The following RADIL variants were observed in gnomAD, a reference collection of about 807,000 sequenced individuals.
RADIL encodes ras-associating and dilute domain-containing protein.
Under a neutral mutation model 97.6 loss-of-function variants are expected in RADIL, and 99 were observed. The ratio of observed to expected loss-of-function variants is 1.01; its 90% CI spans 0.86 to 1.20. The LOEUF is 1.20. RADIL is among the 50% of genes most tolerant of loss of function. RADIL has a pLI of 0.00. For synonymous variants in RADIL, 803 were observed against 691.8 expected (o/e 1.16, Z -2.52); for missense variants, 1,765 against 1,498.9 (o/e 1.18, Z -2.93).
intron 2 of RADIL, chr7:4,861,269 T>G: frequency 6.2e-7 from 1 of 1,614,140 alleles, no homozygotes; most frequent in Non-Finnish European, 8.5e-7. Context: ...GTCCAAATCT[T>G]CTGGAATAGT....
chr7:4,847,110 C>G (rs1029221512), intron 2 of RADIL, among the ~76,000 whole-genome samples: 1 of 151,974 alleles, frequency 6.6e-6, no homozygotes, highest in African/African-American at 2.4e-5. Flanking sequence ...CACTTGAGGT[C>G]AGGAGTTCAA....
chr7:4,835,332 G>T lies in RADIL; in HGVS notation c.784-93C>A. On this transcript the variant is annotated intron_variant, in intron 3 of 14. Transcript: ENST00000399583. This position sits in a 1 kb window ranked among gnomAD's most constrained non-coding sequence, Gnocchi z 5.8. The stretch of plus-strand genomic sequence containing the variant: ...AGTCACTGGTTGCTGAAGCAGCGTG[G>T]CTGGGATGCTGTCGCCACGGGCTCT... The T allele has an allele frequency of 6.7e-7, 1 of 1,488,074 alleles. No individual in the cohort carries two copies. The highest frequency in any genetic ancestry group is 9.0e-7 in the Non-Finnish European group (1 of 1,110,436). 92.2% of individuals were successfully genotyped at this position (1,488,074 alleles called of 1,614,324 possible).
At position 4,840,851 on chromosome 7, in the gene RADIL, C is replaced by T. The variant is rs752990219; in HGVS notation, c.536-4246G>A. On this transcript the variant is annotated intron_variant, in intron 2 of 14. Coordinates refer to ENST00000399583, the MANE Select transcript of RADIL (RefSeq NM_018059.5). This position sits in a 1 kb window ranked among gnomAD's most constrained non-coding sequence, Gnocchi z 5.6. Reference sequence around the variant, plus strand: ...GCGTGGAGGTGGGCGCCTGTAGTCCCGGCTACTCGAGAGGCTGAGGCAGGA... The same window carrying T: ...GCGTGGAGGTGGGCGCCTGTAGTCCTGGCTACTCGAGAGGCTGAGGCAGGA... Among the ~76,000 whole-genome samples the T allele has an allele frequency of 7.9e-5, 12 of 152,108 alleles. No homozygotes were observed. The highest frequency in any genetic ancestry group is 2.1e-4 in the South Asian group (1 of 4,820).
intron 2 of RADIL, chr7:4,861,223 A>G (rs779291182): frequency 1.2e-5 from 20 of 1,614,020 alleles, no homozygotes; most frequent in South Asian, 2.2e-5. Flanking sequence ...TTATGCATCT[A>G]ATGTCTAAAT....
At chr7:4,882,669 T>A (rs1169573999) in intron 1 of RADIL, among the ~76,000 whole-genome samples, 2 of 152,154 alleles carry the variant, frequency 1.3e-5, no homozygotes, top group African/African-American at 4.8e-5. Flanking sequence ...CCTCCTTCCA[T>A]GAATCCTATC....
At chr7:4,865,743 CT>C (rs1784117596) in intron 2 of RADIL, 1 of 1,066,370 alleles carries the variant, frequency 9.4e-7, no homozygotes, top group East Asian at 2.4e-5. Flanking sequence ...CAAGAGTGAA[CT>C]TCAGAACCTG....
At chr7:4,810,311 G>A (rs1031342894) in intron 9 of RADIL, among the ~76,000 whole-genome samples, 9 of 152,070 alleles carry the variant, frequency 5.9e-5, no homozygotes, top group African/African-American at 1.9e-4. Flanking sequence ...ACATCACCAT[G>A]CCTGGCTAAT....
rs1359098685 is a variant in RADIL, at chr7:4,835,078, C to T, written c.945G>A (p.Leu315=). Residue 315 remains leucine (L), a synonymous_variant, in exon 4 of 15, where the codon CTG becomes CTA. Transcript: ENST00000399583. The surrounding 1 kb of genome is among the most constrained non-coding windows in gnomAD (Gnocchi z 5.8). Reference sequence around the variant, plus strand: ...GCGCCCCGGGGATGGGCTCCAGGACCAGCCTCCCCGCGGCCTGGCCGCTGT... The same window carrying T: ...GCGCCCCGGGGATGGGCTCCAGGACTAGCCTCCCCGCGGCCTGGCCGCTGT... The part of the protein sequence containing the change: ...LPDSGQAAGR[L]VLEPIPGAHI... The T allele has an allele frequency of 6.2e-7, 1 of 1,607,472 alleles. No individual in the cohort carries two copies. The highest frequency in any genetic ancestry group is 1.3e-5 in the African/African-American group (1 of 74,826).
intron 9 of RADIL, among the ~76,000 whole-genome samples, chr7:4,810,815 A>G (rs886074867): frequency 1.3e-5 from 2 of 152,080 alleles, no homozygotes; most frequent in Non-Finnish European, 2.9e-5. Flanking sequence ...CTTCCTTTCA[A>G]CCATTCTCAT....
Position 4,803,582 on chromosome 7 carries a change from C to CCAGGG in RADIL, c.2462_2463insCCCTG (p.Arg821SerfsTer53). 1.3e-6 allele frequency: 2 copies of CCAGGG among 1,535,042 alleles called. No homozygotes were observed. Among genetic ancestry groups the CCAGGG allele is most frequent in the Middle Eastern group, 2.2e-4 (1 of 4,490 alleles). ...CTGGCTGGGAGGCCCCACTGCCAGGCCTGCCAGGGCTGCCGGGGCTGGCTC... is the reference window on the plus strand; with the variant it reads ...CTGGCTGGGAGGCCCCACTGCCAGGCCAGGGCTGCCAGGGCTGCCGGGGCTGGCTC... On this transcript the variant is annotated frameshift_variant, in exon 11 of 15. Coordinates refer to ENST00000399583, the MANE Select transcript of RADIL (RefSeq NM_018059.5). LOFTEE classifies it high-confidence loss of function.
chr7:4,817,337 G>A lies in RADIL; in HGVS notation c.1630C>T (p.Leu544=). The part of the protein sequence containing the change: ...QLDITGSKES[L]FSCTLTASEE... The stretch of plus-strand genomic sequence containing the variant: ...CTGGCCGTCAGCGTGCAGGAGAACA[G>A]CGATTCCTTCGAGCCTGCCGGGAGA... Residue 544 remains leucine (L), a synonymous_variant, in exon 7 of 15, where the codon CTG becomes TTG. Coordinates refer to ENST00000399583, the MANE Select transcript of RADIL (RefSeq NM_018059.5). The surrounding 1 kb of genome is among the most constrained non-coding windows in gnomAD (Gnocchi z 8.3). 1 of 1,612,042 alleles carries A rather than the reference G, an allele frequency of 6.2e-7. No homozygotes were observed. Among genetic ancestry groups the A allele is most frequent in the Non-Finnish European group, 8.5e-7 (1 of 1,179,570 alleles).
Position 4,835,150 on chromosome 7 carries a change from G to A in RADIL, c.873C>T (p.Pro291=), listed in dbSNP as rs374819152. The change falls in exon 4 of 15, where the codon CCC becomes CCT. Residue 291 remains proline (P), a synonymous_variant. Coordinates refer to ENST00000399583, the MANE Select transcript of RADIL (RefSeq NM_018059.5). This position sits in a 1 kb window ranked among gnomAD's most constrained non-coding sequence, Gnocchi z 5.8. ...SSKPSISLSA[P]DILPLHCTIR... ...TGGTGCAGTGTAGAGGCAGGATGTCGGGGGCTGAGAGGCTGATGCTGGGCT... is the reference window on the plus strand; with the variant it reads ...TGGTGCAGTGTAGAGGCAGGATGTCAGGGGCTGAGAGGCTGATGCTGGGCT... 3.7e-5 allele frequency: 59 copies of A among 1,610,544 alleles called. No homozygotes were observed. The highest frequency in any genetic ancestry group is 4.7e-5 in the Non-Finnish European group (55 of 1,179,052).
At chr7:4,859,983 T>C (rs1783936613) in intron 2 of RADIL, 1 of 1,614,044 alleles carries the variant, frequency 6.2e-7, no homozygotes, top group Non-Finnish European at 8.5e-7. Flanking sequence ...CTGGCGACCA[T>C]GGCCTTTGGT....
In RADIL at chr7:4,802,123, A is replaced by G. The variant is rs1782108395; in HGVS notation, c.2500-128T>C. ...GCAGAGGTCAGCAAAGGACTCCCGC[A>G]GCCTGTGCAGCTTGAGACGCGCAAG... is the stretch of plus-strand genomic sequence containing the variant. On this transcript the variant is annotated intron_variant, in intron 11 of 14. Coordinates refer to ENST00000399583, the MANE Select transcript of RADIL (RefSeq NM_018059.5). The G allele has an allele frequency of 1.5e-5, 11 of 743,420 alleles. No individual in the cohort carries two copies. In the Admixed American group the frequency reaches 2.8e-4, roughly 19 times the overall value. 46.1% of individuals were successfully genotyped at this position (743,420 alleles called of 1,614,324 possible). A position where few individuals can be genotyped will look rare whatever the true frequency, so the allele number is the denominator to read the frequency against.
At chr7:4,809,073 C>A in intron 9 of RADIL, 1 of 982,776 alleles carries the variant, frequency 1.0e-6, no homozygotes, top group East Asian at 1.2e-4. Context: ...CACTGCCCCT[C>A]CGCGTCTCCT....
intron 5 of RADIL, among the ~76,000 whole-genome samples, chr7:4,827,429 G>A (rs188909607): frequency 3.2e-4 from 49 of 151,934 alleles, no homozygotes; most frequent in Non-Finnish European, 5.6e-4. Context: ...GGAGGCCGAG[G>A]TGGGCGGGTC....
rs1783264266 is a variant in RADIL, at chr7:4,835,282, C to A, written c.784-43G>T. 10 of 1,591,734 alleles carry A rather than the reference C, an allele frequency of 6.3e-6. No homozygotes were observed. The highest frequency in any genetic ancestry group is 8.5e-6 in the Non-Finnish European group (10 of 1,175,426). On this transcript the variant is annotated intron_variant, in intron 3 of 14. Coordinates refer to ENST00000399583, the MANE Select transcript of RADIL (RefSeq NM_018059.5). This position sits in a 1 kb window ranked among gnomAD's most constrained non-coding sequence, Gnocchi z 5.8. Reference sequence around the variant, plus strand: ...CTCAGGGCAGGCGTAACGCGAGCAGCACACGGGAAAAGCGTCCCGTGTCTA... The same window carrying A: ...CTCAGGGCAGGCGTAACGCGAGCAGAACACGGGAAAAGCGTCCCGTGTCTA...
chr7:4,834,984 G>T lies in RADIL; in HGVS notation c.1039C>A (p.Leu347Met), dbSNP rs780869370. The T allele has an allele frequency of 1.2e-6, 2 of 1,611,172 alleles. No homozygotes were observed. The highest frequency in any genetic ancestry group is 1.7e-6 in the Non-Finnish European group (2 of 1,179,264). The stretch of plus-strand genomic sequence containing the variant: ...AATAGCAGCAGGTAGTAGAGCCCCA[G>T]GGAGAGCAGGTCCCCGTGGTGCAGC... ...VVLHHGDLLS[L>M]GLYYLLLFKD... Residue 347 changes from leucine (L) to methionine (M), a missense_variant, in exon 4 of 15, where the codon CTG becomes ATG. Coordinates refer to ENST00000399583, the MANE Select transcript of RADIL (RefSeq NM_018059.5). The surrounding 1 kb of genome is among the most constrained non-coding windows in gnomAD (Gnocchi z 6.0).
chr7:4,802,792 A>G (rs181399797), intron 11 of RADIL, among the ~76,000 whole-genome samples: 3,450 of 41,072 alleles, frequency 0.084, 283 homozygotes, highest in African/African-American at 0.17. Context: ...CCCTCCCCAG[A>G]CACCTCGGGT....
Sources: allele counts gnomAD v4.1 joint callset (sites outside exome capture counted in the v4.1 genomes callset), GRCh38; gene constraint gnomAD v4.1.1; non-coding constraint Gnocchi (gnomAD v3.1); transcripts MANE v1.5; gene names NCBI Gene and HGNC (gene_info 2026-07-23, HGNC 2026-07-21).